The following CD4 variants were observed in gnomAD, a reference collection of about 807,000 sequenced individuals.
The protein encoded by CD4 is T-cell surface glycoprotein CD4.
CD4 carries 25 observed loss-of-function variants against 50.5 expected under a neutral mutation model. The observed-to-expected ratio is 0.49, with a 90% CI of 0.36 to 0.69. CD4 has a LOEUF of 0.69. CD4 is among the 30% of genes least tolerant of loss of function. CD4 has a pLI of 0.00. For synonymous variants in CD4, 207 were observed against 221.9 expected, an observed-to-expected ratio of 0.93 and a Z score of 0.60; for missense variants, 456 against 548.5, an observed-to-expected ratio of 0.83 and a Z score of 1.68.
Position 6,816,458 on chromosome 12 carries a change from C to T in CD4, c.955+55C>T, listed in dbSNP as rs1019588604. ...AGGGGAAGGAGTTGGAGGGGCCTGG[C>T]CCAGGGCTCCCTCTGAGGCAAGCCA... On this transcript the variant is annotated intron_variant, in intron 6 of 9. Coordinates refer to ENST00000011653, the MANE Select transcript of CD4 (RefSeq NM_000616.5). The surrounding 1 kb of genome is among the most constrained non-coding windows in gnomAD (Gnocchi z 4.9). 1.4e-6 allele frequency: 2 copies of T among 1,410,240 alleles called. No individual in the cohort carries two copies. The highest frequency in any genetic ancestry group is 9.7e-7 in the Non-Finnish European group (1 of 1,036,238). The allele number at this position is 1,410,240 out of a possible 1,614,324, so 87.4% of individuals were successfully genotyped here.
intron 4 of CD4, 161 bp from the exon 5 acceptor site, chr12:6,814,574 AGGAGGAAAGAAGAGAGAGAGGAGG>A: frequency 1.4e-6 from 1 of 693,316 alleles, no homozygotes; most frequent in Non-Finnish European, 2.6e-6. Flanking sequence ...ATGAGGGGAG[AGGAGGAAAGAAGAGAGAGAGGAGG>A]GGAGAGGGAA....
At chr12:6,813,355 C>T (rs1942994705) in intron 3 of CD4, among the ~76,000 whole-genome samples, 1 of 151,622 alleles carries the variant, frequency 6.6e-6, no homozygotes, top group Non-Finnish European at 1.5e-5. Context: ...TGCCTGGCCT[C>T]ATTTTCTTTT....
In CD4 at chr12:6,816,270, G is replaced by A. The variant is rs782247515; in HGVS notation, c.822G>A (p.Met274Ile). The change falls in exon 6 of 10, where the codon ATG becomes ATA. Residue 274 changes from methionine (M) to isoleucine (I), a missense_variant. By Grantham distance (10) the Met-to-Ile change is conservative (BLOSUM62 1). Transcript: ENST00000011653. This position sits in a 1 kb window ranked among gnomAD's most constrained non-coding sequence, Gnocchi z 4.9. ...TTACCCAGGACCCTAAGCTCCAGATGGGCAAGAAGCTCCCGCTCCACCTCA... is the reference window on the plus strand; with the variant it reads ...TTACCCAGGACCCTAAGCTCCAGATAGGCAAGAAGCTCCCGCTCCACCTCA... The part of the protein sequence containing the change: ...KRVTQDPKLQ[M>I]GKKLPLHLTL... 2 of 1,614,226 alleles carry A rather than the reference G, an allele frequency of 1.2e-6. No homozygotes were observed. Among genetic ancestry groups the A allele is most frequent in the African/African-American group, 1.3e-5 (1 of 75,052 alleles).
rs908176251 is a variant in CD4 at position 6,818,113 on chromosome 12, C to G, written c.1157-308C>G. ...ACGCGCACACGCGCGCACACACACA[C>G]ATTCACACCATTCACACACGCACAC... On this transcript the variant is annotated intron_variant, in intron 7 of 9. Transcript: ENST00000011653. The surrounding 1 kb of genome is among the most constrained non-coding windows in gnomAD (Gnocchi z 5.0). Among the ~76,000 whole-genome samples, 8 of 149,086 alleles carry G rather than the reference C, an allele frequency of 5.4e-5. No homozygotes were observed. In the South Asian group the frequency reaches 6.4e-4, roughly 12 times the overall value.
Position 6,818,274 on chromosome 12 carries a change from G to A in CD4, c.1157-147G>A, listed in dbSNP as rs1015118656. 17 of 880,632 alleles carry A rather than the reference G, an allele frequency of 1.9e-5. No individual in the cohort carries two copies. Among genetic ancestry groups the A allele is most frequent in the East Asian group, 5.0e-5 (2 of 39,944 alleles). The allele number at this position is 880,632 out of a possible 1,614,324, so 54.6% of individuals were successfully genotyped here. A position where few individuals can be genotyped will look rare whatever the true frequency, so the allele number is the denominator to read the frequency against. ...ATAAAACCGATTCCCCAGCACTGGCGGCCTTTGAGAGCCCCCAGGCACCCC... is the reference window on the plus strand; with the variant it reads ...ATAAAACCGATTCCCCAGCACTGGCAGCCTTTGAGAGCCCCCAGGCACCCC... On this transcript the variant is annotated intron_variant, in intron 7 of 9. Transcript: ENST00000011653. This position sits in a 1 kb window ranked among gnomAD's most constrained non-coding sequence, Gnocchi z 5.0.
Position 6,816,453 on chromosome 12 carries a change from C to T in CD4, c.955+50C>T. 6.8e-7 allele frequency: 1 copy of T among 1,463,972 alleles called. No homozygotes were observed. The highest frequency in any genetic ancestry group is 9.3e-7 in the Non-Finnish European group (1 of 1,076,680). The allele number at this position is 1,463,972 out of a possible 1,614,324, so 90.7% of individuals were successfully genotyped here. On this transcript the variant is annotated intron_variant, in intron 6 of 9. Coordinates refer to ENST00000011653, the MANE Select transcript of CD4 (RefSeq NM_000616.5). This position sits in a 1 kb window ranked among gnomAD's most constrained non-coding sequence, Gnocchi z 4.9. ...TGGGCAGGGGAAGGAGTTGGAGGGG[C>T]CTGGCCCAGGGCTCCCTCTGAGGCA...
rs1438255847 is a variant in CD4 at position 6,800,206 on chromosome 12, G to T, written c.49+19G>T. On this transcript the variant is annotated intron_variant, in intron 2 of 9. Transcript: ENST00000011653. The stretch of plus-strand genomic sequence containing the variant: ...CAACTGGGTAAGTTCTCAGACCTGG[G>T]GTCTCAATGCAGATGACGTGGGAGG... The T allele has an allele frequency of 1.9e-6, 3 of 1,561,798 alleles. No homozygotes were observed. The highest frequency in any genetic ancestry group is 3.3e-4 in the Middle Eastern group (2 of 5,974).
In CD4 at chr12:6,792,593, C is replaced by G. The variant is rs899359410; in HGVS notation, c.-68+2931C>G. ...CATTCTGGGGAACTCTGTCCATTTC[C>G]CTTTGTCCATGTGTCCCTCCCACCC... On this transcript the variant is annotated intron_variant, in intron 1 of 9. Transcript: ENST00000011653. The surrounding 1 kb of genome is among the most constrained non-coding windows in gnomAD (Gnocchi z 4.1). Among the ~76,000 whole-genome samples the G allele has an allele frequency of 6.6e-6, 1 of 152,158 alleles. No individual in the cohort carries two copies. Among genetic ancestry groups the G allele is most frequent in the Non-Finnish European group, 1.5e-5 (1 of 68,026 alleles).
At chr12:6,803,262 T>C (rs1366828224) in intron 3 of CD4, among the ~76,000 whole-genome samples, 1 of 152,122 alleles carries the variant, frequency 6.6e-6, no homozygotes, top group Non-Finnish European at 1.5e-5. Context: ...GTGATTCTCC[T>C]GCCTCAGCCT....
chr12:6,813,882 C>A (rs1439951700), intron 3 of CD4, among the ~76,000 whole-genome samples: 1 of 152,050 alleles, frequency 6.6e-6, no homozygotes, highest in Non-Finnish European at 1.5e-5. Flanking sequence ...TGAGATGATG[C>A]CTGTAAAGTA....
intron 5 of CD4, 164 bp from the exon 6 acceptor site, chr12:6,815,892 A>C: frequency 6.6e-7 from 1 of 1,521,904 alleles, no homozygotes; most frequent in Non-Finnish European, 8.8e-7. Flanking sequence ...AAGGGAGAGA[A>C]GGCTGGAGAG....
At chr12:6,817,011 C>T (rs1300586798) in intron 6 of CD4, 119 bp from the exon 7 acceptor site, 2 of 796,234 alleles carry the variant, frequency 2.5e-6, no homozygotes, top group African/African-American at 1.7e-5. Context: ...TGTTTTTCCT[C>T]GTAGGACTGC....
chr12:6,810,367 T>C (rs1208804963), intron 3 of CD4, among the ~76,000 whole-genome samples: 2 of 152,176 alleles, frequency 1.3e-5, no homozygotes, highest in African/African-American at 2.4e-5. Context: ...GGCAGAGTTA[T>C]TTTAGGAGGA....
At chr12:6,796,528 T>C (rs1345633115) in intron 1 of CD4, among the ~76,000 whole-genome samples, 1 of 152,172 alleles carries the variant, frequency 6.6e-6, no homozygotes, top group African/African-American at 2.4e-5. Flanking sequence ...CAGCCTTCCT[T>C]TGAGGTGCTA....
chr12:6,801,453 G>A (rs1942543928), intron 3 of CD4, among the ~76,000 whole-genome samples: 1 of 148,536 alleles, frequency 6.7e-6, no homozygotes, highest in Non-Finnish European at 1.5e-5. Context: ...GGAGGCAAAG[G>A]CTGCAGTGAG....
At position 6,792,604 on chromosome 12, in the gene CD4, G is replaced by GT. The variant is rs1411489424; in HGVS notation, c.-68+2943dup. 1.3e-5 allele frequency among the ~76,000 whole-genome samples: 2 copies of GT among 152,100 alleles called. No individual in the cohort carries two copies. The highest frequency in any genetic ancestry group is 4.8e-5 in the African/African-American group (2 of 41,402). Reference sequence around the variant, plus strand: ...ACTCTGTCCATTTCCCTTTGTCCATGTGTCCCTCCCACCCTGCAGCCGGCT... The same window carrying GT: ...ACTCTGTCCATTTCCCTTTGTCCATGTTGTCCCTCCCACCCTGCAGCCGGCT... On this transcript the variant is annotated intron_variant, in intron 1 of 9. Coordinates refer to ENST00000011653, the MANE Select transcript of CD4 (RefSeq NM_000616.5). This position sits in a 1 kb window ranked among gnomAD's most constrained non-coding sequence, Gnocchi z 4.1.
chr12:6,801,952 C>A (rs1942577414), intron 3 of CD4, among the ~76,000 whole-genome samples: 1 of 150,016 alleles, frequency 6.7e-6, no homozygotes, highest in Admixed American at 6.7e-5. Flanking sequence ...TGGCTCACTG[C>A]AAGCTCTGCC....
In CD4 at chr12:6,814,754, CACAGTGACTGCCA is replaced by C. The variant is rs1369747692; in HGVS notation, c.374-2_384del. 2 of 1,611,092 alleles carry C rather than the reference CACAGTGACTGCCA, an allele frequency of 1.2e-6. No homozygotes were observed. The highest frequency in any genetic ancestry group is 2.7e-5 in the African/African-American group (2 of 74,758). On this transcript the variant is annotated splice_acceptor_variant and splice_polypyrimidine_tract_variant and coding_sequence_variant and intron_variant, in exon 5 of 10. Transcript: ENST00000011653. LOFTEE classifies it high-confidence loss of function. ...GTGTGACACAGCTGGCCTTTCCCTC[CACAGTGACTGCCA>C]ACTCTGACACCCACCTGCTTCAGGG...
rs1365844370 is a variant in CD4 at position 6,820,259 on chromosome 12, G to C, written c.*930G>C. On this transcript the variant is annotated 3_prime_UTR_variant, in exon 10 of 10. Transcript: ENST00000011653. The stretch of plus-strand genomic sequence containing the variant: ...AGAGAATTTACGAGCAGGGATGAAG[G>C]CCTCCCTGTCTAAAATCCCTCCTTC... The C allele has an allele frequency of 6.6e-6, 1 of 152,242 alleles. No homozygotes were observed. The highest frequency in any genetic ancestry group is 2.4e-5 in the African/African-American group (1 of 41,458). 9.4% of individuals were successfully genotyped at this position (152,242 alleles called of 1,614,324 possible). A position where few individuals can be genotyped will look rare whatever the true frequency, so the allele number is the denominator to read the frequency against.
Sources: allele counts gnomAD v4.1 joint callset (sites outside exome capture counted in the v4.1 genomes callset), GRCh38; gene constraint gnomAD v4.1.1; non-coding constraint Gnocchi (gnomAD v3.1); transcripts MANE v1.5; gene names NCBI Gene and HGNC (gene_info 2026-07-23, HGNC 2026-07-21).